Variants in TYW3 observed in about 807,000 individuals in gnomAD.
TYW3 encodes tRNA-yW synthesizing protein 3 homolog.
TYW3 carries 26 observed loss-of-function variants against 23.1 expected under a neutral mutation model. The ratio of observed to expected loss-of-function variants is 1.13; its 90% CI spans 0.83 to 1.56. The LOEUF (loss-of-function observed/expected upper bound fraction) is 1.56. TYW3 is among the 40% of genes most tolerant of loss of function. TYW3 has a pLI of 0.00. For missense variants in TYW3, 316 were observed against 311.9 expected (o/e 1.01, Z -0.10); for synonymous variants, 102 against 105.7 (o/e 0.97, Z 0.21).
In TYW3 at chr1:74,760,812, T is replaced by C. The variant is rs564176614; in HGVS notation, c.561-3082T>C. Among the ~76,000 whole-genome samples, 7 of 152,350 alleles carry C rather than the reference T, an allele frequency of 4.6e-5. No individual in the cohort carries two copies. The South Asian group carries it at 1.2e-3, about 27-fold the overall frequency. On this transcript the variant is annotated intron_variant, in intron 5 of 5. Coordinates refer to ENST00000370867, the MANE Select transcript of TYW3 (RefSeq NM_138467.3). ...TGATGGAAGCCTAAAGGAAATAAAA[T>C]TGTGCCTCAGTTTCCTCAATTCTGT... is the stretch of plus-strand genomic sequence containing the variant.
chr1:74,734,464 T>C (rs72677709), intron 1 of TYW3, among the ~76,000 whole-genome samples: 77 of 152,320 alleles, frequency 5.1e-4, no homozygotes, highest in Non-Finnish European at 6.5e-4. Context: ...TTAAAGTGCT[T>C]TTTTGAAGTG....
At position 74,750,795 on chromosome 1, in the gene TYW3, C is replaced by A. The variant is rs146478549; in HGVS notation, c.427-1497C>A. On this transcript the variant is annotated intron_variant, in intron 4 of 5. Coordinates refer to ENST00000370867, the MANE Select transcript of TYW3 (RefSeq NM_138467.3). ...GTTCTTCCTCTCCCTTTCTCTCCCC[C>A]GCTCCTTTTTTTTTTTTTTTTTTTT... Among the ~76,000 whole-genome samples the A allele has an allele frequency of 1.0e-4, 14 of 140,640 alleles. No individual in the cohort carries two copies. In the Admixed American group the frequency reaches 1.0e-3, roughly 10 times the overall value. The allele number at this position is 140,640 out of a possible 152,430, so 92.3% of individuals were successfully genotyped here.
intron 3 of TYW3, chr1:74,748,527 C>T (rs1648667019): frequency 2.2e-6 from 1 of 463,872 alleles, no homozygotes; most frequent in Non-Finnish European, 3.8e-6. Flanking sequence ...TCTACTTTTA[C>T]TCTTTCTCAA....
At chr1:74,747,817 A>G (rs530739076) in intron 3 of TYW3, among the ~76,000 whole-genome samples, 15 of 120,908 alleles carry the variant, frequency 1.2e-4, no homozygotes, top group Non-Finnish European at 1.5e-4. Flanking sequence ...GTACACACAT[A>G]TGTATATATA....
At chr1:74,744,373 A>G (rs746663983) in intron 3 of TYW3, among the ~76,000 whole-genome samples, 15 of 151,900 alleles carry the variant, frequency 9.9e-5, no homozygotes, top group Non-Finnish European at 2.2e-4. Flanking sequence ...ATTGGGGCCA[A>G]GCTGTGATGC....
At chr1:74,739,533 A>T (rs915959122) in intron 3 of TYW3, among the ~76,000 whole-genome samples, 1 of 152,256 alleles carries the variant, frequency 6.6e-6, no homozygotes, top group South Asian at 2.1e-4. Context: ...TAGCTGGGAA[A>T]TGAACATTCC....
chr1:74,736,421 A>T, intron 1 of TYW3, 121 bp from the exon 2 acceptor site: 1 of 622,122 alleles, frequency 1.6e-6, no homozygotes, highest in Non-Finnish European at 2.5e-6. Flanking sequence ...TGTTTTTATT[A>T]ATACTTAAAA....
At position 74,733,225 on chromosome 1, in the gene TYW3, A is replaced by C. The variant is rs769744230; in HGVS notation, c.-20A>C. On this transcript the variant is annotated 5_prime_UTR_variant, in exon 1 of 6. Transcript: ENST00000370867. ...AGGCTACCATGAAGGAGCCGAGCGCAGACCCTGAGTCCGTCACCCATGGAT... is the reference window on the plus strand; with the variant it reads ...AGGCTACCATGAAGGAGCCGAGCGCCGACCCTGAGTCCGTCACCCATGGAT... 5.0e-6 allele frequency: 8 copies of C among 1,612,772 alleles called. No homozygotes were observed. Among genetic ancestry groups the C allele is most frequent in the Non-Finnish European group, 5.1e-6 (6 of 1,179,250 alleles).
chr1:74,752,474 C>G lies in TYW3; in HGVS notation c.560+49C>G, dbSNP rs775071530. On this transcript the variant is annotated intron_variant, in intron 5 of 5. Transcript: ENST00000370867. ...GTTATTCTTATATGCCTAGATCATC[C>G]TTGAAAACATTAATACTTACTATCT... The G allele has an allele frequency of 1.9e-5, 30 of 1,543,922 alleles. No homozygotes were observed. The South Asian group carries it at 3.5e-4, about 18-fold the overall frequency.
At position 74,766,338 on chromosome 1, in the gene TYW3, G is replaced by A. The variant is rs1649305862; in HGVS notation, c.*2225G>A. On this transcript the variant is annotated 3_prime_UTR_variant, in exon 6 of 6. Transcript: ENST00000370867. Reference sequence around the variant, plus strand: ...AGAAGAAGGCATTGTTATCATAGAAGGTGACAGCTTCATGTGTGTTATTGC... The same window carrying A: ...AGAAGAAGGCATTGTTATCATAGAAAGTGACAGCTTCATGTGTGTTATTGC... The A allele has an allele frequency of 1.3e-5, 2 of 152,106 alleles. No homozygotes were observed. Among genetic ancestry groups the A allele is most frequent in the Admixed American group, 1.3e-4 (2 of 15,238 alleles). 9.4% of individuals were successfully genotyped at this position (152,106 alleles called of 1,614,324 possible).
intron 4 of TYW3, 32 bp from the exon 5 acceptor site, chr1:74,752,260 G>A: frequency 6.4e-7 from 1 of 1,568,036 alleles, no homozygotes; most frequent in East Asian, 2.3e-5. Flanking sequence ...TGGTATCTAA[G>A]TCTTCATATC....
chr1:74,742,475 G>A lies in TYW3; in HGVS notation c.354+3687G>A, dbSNP rs143125289. Among the ~76,000 whole-genome samples the A allele has an allele frequency of 1.2e-3, 182 of 152,298 alleles. No homozygotes were observed. The East Asian group carries it at 0.013, about 11-fold the overall frequency. On this transcript the variant is annotated intron_variant, in intron 3 of 5. Coordinates refer to ENST00000370867, the MANE Select transcript of TYW3 (RefSeq NM_138467.3). Reference sequence around the variant, plus strand: ...TGAAAGTCCCCACTCTGTTTCGGTTGGGGAATACTGGAGCTTAACCTCTTG... The same window carrying A: ...TGAAAGTCCCCACTCTGTTTCGGTTAGGGAATACTGGAGCTTAACCTCTTG...
chr1:74,734,548 G>A (rs1043235590), intron 1 of TYW3, among the ~76,000 whole-genome samples: 6 of 152,170 alleles, frequency 3.9e-5, no homozygotes, highest in Admixed American at 2.6e-4. Context: ...AAGATCTACG[G>A]AAAGAATGAA....
intron 3 of TYW3, among the ~76,000 whole-genome samples, chr1:74,746,822 C>A (rs1276296378): frequency 6.6e-6 from 1 of 152,036 alleles, no homozygotes; most frequent in East Asian, 1.9e-4. Context: ...GCCTGGGTGA[C>A]AAGAGTGGAA....
chr1:74,741,123 A>G (rs141897344), intron 3 of TYW3, among the ~76,000 whole-genome samples: 143 of 152,342 alleles, frequency 9.4e-4, no homozygotes, highest in Non-Finnish European at 1.3e-3. Flanking sequence ...TGGCTACAGT[A>G]TATAGTCCTA....
Position 74,736,177 on chromosome 1 carries a change from G to A in TYW3, c.175-365G>A, listed in dbSNP as rs76395726. ...ATTGGGACAGTGCTGTCCTACAAAA[G>A]AAATTAAAATTATTTTTTTTTCATT... On this transcript the variant is annotated intron_variant, in intron 1 of 5. Transcript: ENST00000370867. 9.8e-3 allele frequency: 1,524 copies of A among 155,752 alleles called. 37 individuals carry two copies. Among genetic ancestry groups the A allele is most frequent in the African/African-American group, 0.035 (1,437 of 41,598 alleles). The allele number at this position is 155,752 out of a possible 1,614,324, so 9.6% of individuals were successfully genotyped here. A position where few individuals can be genotyped will look rare whatever the true frequency, so the allele number is the denominator to read the frequency against.
intron 4 of TYW3, among the ~76,000 whole-genome samples, chr1:74,750,522 C>A (rs1648744893): frequency 6.6e-6 from 1 of 151,858 alleles, no homozygotes; most frequent in South Asian, 2.1e-4. Context: ...CAAGATCATG[C>A]CACTGCACTC....
intron 3 of TYW3, among the ~76,000 whole-genome samples, chr1:74,745,277 G>A (rs1286969807): frequency 1.3e-5 from 2 of 150,920 alleles, no homozygotes; most frequent in African/African-American, 2.4e-5. Flanking sequence ...GCTTGGAAGG[G>A]GACCTGAGCA....
chr1:74,747,616 G>A (rs1297501228), intron 3 of TYW3, among the ~76,000 whole-genome samples: 7 of 142,734 alleles, frequency 4.9e-5, no homozygotes, highest in African/African-American at 1.3e-4. Flanking sequence ...CAGCCTGGGC[G>A]ACAGAGCGAG....
Sources: gnomAD v4.1 joint callset for allele counts (sites outside exome capture counted in the v4.1 genomes callset) on GRCh38, gnomAD v4.1.1 for gene constraint, MANE v1.5 for transcripts, NCBI Gene and HGNC (gene_info 2026-07-23, HGNC 2026-07-21) for gene names.